SKP1: variants seen among roughly 807,000 people sequenced by gnomAD.
The protein encoded by SKP1 is S-phase kinase associated protein 1.
A neutral mutation model predicts 21.5 loss-of-function variants in SKP1; 1 was observed. The ratio of observed to expected loss-of-function variants is 0.05; its 90% CI spans 0.02 to 0.22. The LOEUF is 0.22. Ranked by LOEUF, SKP1 falls within the 10% of genes least tolerant of loss-of-function variation. SKP1 has a pLI of 1.00. For synonymous variants in SKP1, 59 were observed against 59.3 expected, an observed-to-expected ratio of 0.99 and a Z score of 0.03; for missense variants, 70 against 192.0, an observed-to-expected ratio of 0.36 and a Z score of 3.76.
intron 2 of SKP1, among the ~76,000 whole-genome samples, chr5:134,168,212 G>A (rs962441097): frequency 6.6e-6 from 1 of 152,176 alleles, no homozygotes; most frequent in African/African-American, 2.4e-5. Context: ...AAAAATTAAA[G>A]ATGGACCCTT....
rs911492052 is a variant in SKP1 at position 134,149,564 on chromosome 5, A to G, written c.*8169T>C. The stretch of plus-strand genomic sequence containing the variant: ...AAAGTCATTTTCCAGAACAGCGTCT[A>G]TTTAAAGTAGGCCACTGGAAGTTGT... On this transcript the variant is annotated 3_prime_UTR_variant, in exon 6 of 6. Transcript: ENST00000353411. 3.9e-5 allele frequency: 6 copies of G among 152,266 alleles called. No individual in the cohort carries two copies. The highest frequency in any genetic ancestry group is 1.4e-4 in the African/African-American group (6 of 41,472). The allele number at this position is 152,266 out of a possible 1,614,324, so 9.4% of individuals were successfully genotyped here.
chr5:134,167,497 G>A (rs1435603992), intron 2 of SKP1, among the ~76,000 whole-genome samples: 1 of 151,396 alleles, frequency 6.6e-6, no homozygotes, highest in East Asian at 1.9e-4. Flanking sequence ...CATTTACATT[G>A]TATCCGGCAT....
At chr5:134,174,640 G>T in intron 1 of SKP1, 1 of 200,980 alleles carries the variant, frequency 5.0e-6, no homozygotes, top group Non-Finnish European at 8.9e-6. Flanking sequence ...AGTACTGACT[G>T]TCCAGGTGAC....
At position 134,152,908 on chromosome 5, in the gene SKP1, C is replaced by A. The variant is rs1048274431; in HGVS notation, c.*4825G>T. The stretch of plus-strand genomic sequence containing the variant: ...TTTATGCCTTCTCTCCTGAACTACA[C>A]CAAAAGCTCCCAGCTCCCTAGAGGG... On this transcript the variant is annotated 3_prime_UTR_variant, in exon 6 of 6. Transcript: ENST00000353411. 1 of 152,218 alleles carries A rather than the reference C, an allele frequency of 6.6e-6. No homozygotes were observed. The highest frequency in any genetic ancestry group is 2.4e-5 in the African/African-American group (1 of 41,448). 9.4% of individuals were successfully genotyped at this position (152,218 alleles called of 1,614,324 possible).
In SKP1 at chr5:134,157,491, C is replaced by A; in HGVS notation, c.*242G>T. On this transcript the variant is annotated 3_prime_UTR_variant, in exon 6 of 6. Transcript: ENST00000353411. ...CCCAAAATGCCACTTATAGAGAACC[C>A]ACAGTTCAGTTTTATTCAGAGCAAA... 2.4e-6 allele frequency: 1 copy of A among 422,728 alleles called. No homozygotes were observed. Among genetic ancestry groups the A allele is most frequent in the Non-Finnish European group, 4.3e-6 (1 of 235,114 alleles). The allele number at this position is 422,728 out of a possible 1,614,324, so 26.2% of individuals were successfully genotyped here. A position where few individuals can be genotyped will look rare whatever the true frequency, so the allele number is the denominator to read the frequency against.
intron 4 of SKP1, among the ~76,000 whole-genome samples, chr5:134,159,272 ATG>A (rs1320745940): frequency 6.6e-6 from 1 of 152,178 alleles, no homozygotes; most frequent in African/African-American, 2.4e-5. Context: ...TTACTTGCAA[ATG>A]TGTTAGTTTA....
chr5:134,167,303 A>G (rs1039911475), intron 2 of SKP1, 60 bp from the exon 3 acceptor site: 6 of 1,063,960 alleles, frequency 5.6e-6, no homozygotes, highest in Non-Finnish European at 5.8e-6. Flanking sequence ...TATACCAACC[A>G]GGCTATGTCT....
At chr5:134,170,840 T>G (rs1267571762) in intron 2 of SKP1, 3 of 370,242 alleles carry the variant, frequency 8.1e-6, no homozygotes, top group African/African-American at 6.4e-5. Context: ...CAGGACAGAT[T>G]AGTGTGTCAG....
At chr5:134,170,106 T>A (rs1474109074) in intron 2 of SKP1, among the ~76,000 whole-genome samples, 1 of 151,050 alleles carries the variant, frequency 6.6e-6, no homozygotes, top group African/African-American at 2.4e-5. Context: ...GAGGCAGAGA[T>A]TGCAGTGAGC....
In SKP1 at chr5:134,157,280, C is replaced by G. The variant is rs1431730142; in HGVS notation, c.*453G>C. ...TGGAAGACATCCTAGTAGCTCCACTCAGAACATTTACTTCAAGAAGCCTTT... is the reference window on the plus strand; with the variant it reads ...TGGAAGACATCCTAGTAGCTCCACTGAGAACATTTACTTCAAGAAGCCTTT... On this transcript the variant is annotated 3_prime_UTR_variant, in exon 6 of 6. Transcript: ENST00000353411. The G allele has an allele frequency of 5.7e-6, 1 of 176,930 alleles. No individual in the cohort carries two copies. Among genetic ancestry groups the G allele is most frequent in the Non-Finnish European group, 1.2e-5 (1 of 83,308 alleles). The allele number at this position is 176,930 out of a possible 1,614,324, so 11.0% of individuals were successfully genotyped here.
chr5:134,161,203 T>C (rs1169323255), intron 3 of SKP1, 73 bp from the exon 4 acceptor site: 23 of 1,317,448 alleles, frequency 1.7e-5, no homozygotes, highest in Non-Finnish European at 2.4e-5. Flanking sequence ...GGACAACTTA[T>C]CCCTATATTG....
intron 3 of SKP1, among the ~76,000 whole-genome samples, chr5:134,162,551 G>A (rs913339394): frequency 1.4e-4 from 22 of 152,040 alleles, no homozygotes; most frequent in African/African-American, 4.8e-4. Context: ...GATTATAGGT[G>A]CCTGCCACAA....
At chr5:134,159,005 C>T (rs1205725097) in intron 4 of SKP1, among the ~76,000 whole-genome samples, 1 of 152,126 alleles carries the variant, frequency 6.6e-6, no homozygotes, top group Non-Finnish European at 1.5e-5. Context: ...TTATTGTTTA[C>T]CTGTTTTCTA....
At position 134,152,026 on chromosome 5, in the gene SKP1, C is replaced by T. The variant is rs1761051834; in HGVS notation, c.*5707G>A. ...ACATGCTCTGAAATATTTCTTACAC[C>T]ATACTTCATCTTGATATGCACAGCC... On this transcript the variant is annotated 3_prime_UTR_variant, in exon 6 of 6. Transcript: ENST00000353411. 1 of 183,878 alleles carries T rather than the reference C, an allele frequency of 5.4e-6. No individual in the cohort carries two copies. Among genetic ancestry groups the T allele is most frequent in the Admixed American group, 5.7e-5 (1 of 17,474 alleles). 11.4% of individuals were successfully genotyped at this position (183,878 alleles called of 1,614,324 possible).
intron 2 of SKP1, among the ~76,000 whole-genome samples, chr5:134,169,350 T>G (rs1337526873): frequency 6.6e-6 from 1 of 152,134 alleles, no homozygotes. Context: ...CAGCTTAGAG[T>G]GAAACTGTAA....
chr5:134,158,259 G>C, intron 5 of SKP1, 196 bp downstream of exon 5: 1 of 1,462,108 alleles, frequency 6.8e-7, no homozygotes, highest in East Asian at 2.4e-5. Context: ...TTGTTCTTAT[G>C]CTTAAAATGC....
chr5:134,167,296 A>T, intron 2 of SKP1, 53 bp from the exon 3 acceptor site: 1 of 1,129,930 alleles, frequency 8.9e-7, no homozygotes, highest in Non-Finnish European at 1.3e-6. Flanking sequence ...TAATACTTAT[A>T]CCAACCAGGC....
At chr5:134,164,562 C>T (rs56695276) in intron 3 of SKP1, among the ~76,000 whole-genome samples, 7,213 of 152,154 alleles carry the variant, frequency 0.047, 488 homozygotes, top group African/African-American at 0.15. Context: ...CTGCTATACC[C>T]CCAGCTTTTG....
chr5:134,171,713 G>C (rs1197926330), intron 2 of SKP1, among the ~76,000 whole-genome samples: 1 of 152,248 alleles, frequency 6.6e-6, no homozygotes, highest in East Asian at 1.9e-4. Context: ...CTTTACTTCA[G>C]AATGATCTCC....
Sources: gnomAD v4.1 joint callset for allele counts (sites outside exome capture counted in the v4.1 genomes callset) on GRCh38, gnomAD v4.1.1 for gene constraint, MANE v1.5 for transcripts, NCBI Gene and HGNC (gene_info 2026-07-23, HGNC 2026-07-21) for gene names.